NAALADL2: variants seen among roughly 807,000 people sequenced by gnomAD.
NAALADL2 encodes the protein N-acetylated alpha-linked acidic dipeptidase like 2, also known as inactive N-acetylated-alpha-linked acidic dipeptidase-like protein 2.
In NAALADL2, 76 loss-of-function variants were observed where a neutral mutation model predicts 87.2. The ratio of observed to expected loss-of-function variants is 0.87; its 90% CI spans 0.72 to 1.05. The LOEUF is 1.05. Among genes scored for constraint, NAALADL2 ranks in the 50% least tolerant of loss-of-function variants. The probability of loss-of-function intolerance (pLI) is 0.00; values close to 1 mark genes in which losing one functional copy is unlikely to be tolerated. For missense variants in NAALADL2, 1,089 were observed against 945.8 expected (o/e 1.15, Z -1.99); for synonymous variants, 354 against 331.0 (o/e 1.07, Z -0.75).
At chr3:174,791,329 G>A (rs964210458) in intron 3 of NAALADL2, among the ~76,000 whole-genome samples, 2 of 152,086 alleles carry the variant, frequency 1.3e-5, no homozygotes, top group Non-Finnish European at 2.9e-5. Context: ...TAACACCAAA[G>A]GCGATTGTAT....
At chr3:175,347,668 T>G (rs1763294190) in intron 5 of NAALADL2, among the ~76,000 whole-genome samples, 1 of 152,142 alleles carries the variant, frequency 6.6e-6, no homozygotes, top group African/African-American at 2.4e-5. Context: ...CTTTAGAAAG[T>G]GAAATAAGTT....
intron 2 of NAALADL2, among the ~76,000 whole-genome samples, chr3:174,605,856 G>C (rs1337787438): frequency 6.6e-6 from 1 of 152,206 alleles, no homozygotes; most frequent in Non-Finnish European, 1.5e-5. Flanking sequence ...AGAACGGGCA[G>C]ACTGCCTCCT....
chr3:175,419,484 T>C (rs1182898169), intron 5 of NAALADL2, among the ~76,000 whole-genome samples: 2 of 151,984 alleles, frequency 1.3e-5, no homozygotes, highest in East Asian at 1.9e-4. Flanking sequence ...AAATCCTGCA[T>C]TGGAAGATTT....
intron 11 of NAALADL2, among the ~76,000 whole-genome samples, chr3:175,650,057 C>CAA (rs11458935): frequency 0.12 from 14,256 of 120,196 alleles, 1,277 homozygotes; most frequent in African/African-American, 0.23. Context: ...AACCCCACAC[C>CAA]AAAAAAAAAA....
intron 9 of NAALADL2, among the ~76,000 whole-genome samples, chr3:175,558,446 C>T (rs1715719940): frequency 6.6e-6 from 1 of 152,012 alleles, no homozygotes. Flanking sequence ...TCTCATTTGT[C>T]CATTTTTGCT....
chr3:174,655,108 AAATT>A (rs1409684101), intron 2 of NAALADL2, among the ~76,000 whole-genome samples: 1 of 152,210 alleles, frequency 6.6e-6, no homozygotes, highest in African/African-American at 2.4e-5. Flanking sequence ...TTAGAATTAA[AAATT>A]AATTACATTA....
chr3:174,666,329 T>C (rs1361510994), intron 2 of NAALADL2, among the ~76,000 whole-genome samples: 2 of 152,210 alleles, frequency 1.3e-5, no homozygotes, highest in East Asian at 3.9e-4. Context: ...TCTTCAGCTA[T>C]TGCAAACACC....
intron 5 of NAALADL2, among the ~76,000 whole-genome samples, chr3:175,423,351 G>T (rs1157336534): frequency 1.4e-5 from 2 of 146,912 alleles, no homozygotes; most frequent in Non-Finnish European, 1.5e-5. Context: ...GTGCCATGTT[G>T]GTGTGCTGCA....
chr3:175,433,310 G>A (rs75771420), intron 5 of NAALADL2, among the ~76,000 whole-genome samples: 3,114 of 152,074 alleles, frequency 0.02, 140 homozygotes, highest in East Asian at 0.14. Flanking sequence ...TAGCACTGGC[G>A]TAATATAACA....
intron 3 of NAALADL2, among the ~76,000 whole-genome samples, chr3:174,767,959 A>T (rs2109096560): frequency 6.6e-6 from 1 of 152,350 alleles, no homozygotes; most frequent in African/African-American, 2.4e-5. Flanking sequence ...AGAGTAGCTG[A>T]AAATTTAACA....
At chr3:175,674,243 T>C (rs1734409692) in intron 11 of NAALADL2, among the ~76,000 whole-genome samples, 1 of 144,928 alleles carries the variant, frequency 6.9e-6, no homozygotes, top group South Asian at 2.1e-4. Context: ...TTCCAACTGA[T>C]AGTGTTTTTT....
At chr3:175,398,919 C>T (rs1770189301) in intron 5 of NAALADL2, among the ~76,000 whole-genome samples, 1 of 151,670 alleles carries the variant, frequency 6.6e-6, no homozygotes, top group African/African-American at 2.4e-5. Context: ...CAGTGCAAAG[C>T]AAAAACAAGT....
chr3:174,524,716 T>A (rs1720573971), intron 1 of NAALADL2, among the ~76,000 whole-genome samples: 3 of 144,966 alleles, frequency 2.1e-5, no homozygotes, highest in Non-Finnish European at 3.0e-5. Context: ...CCCAACAAAT[T>A]AAAAAAAAAA....
Position 175,808,846 on chromosome 3 carries a change from GGA to G in NAALADL2, c.*5645_*5646del, listed in dbSNP as rs1220547447. 5 of 152,062 alleles carry G rather than the reference GGA, an allele frequency of 3.3e-5. No homozygotes were observed. In the East Asian group the frequency reaches 9.7e-4, roughly 29 times the overall value. 9.4% of individuals were successfully genotyped at this position (152,062 alleles called of 1,614,324 possible). A position where few individuals can be genotyped will look rare whatever the true frequency, so the allele number is the denominator to read the frequency against. ...TGAATAGAAGCTTAGCTAGAGAAGTGGAGTTAGAGTCCCTATTTTAATGAACT... is the reference window on the plus strand; with the variant it reads ...TGAATAGAAGCTTAGCTAGAGAAGTGGTTAGAGTCCCTATTTTAATGAACT... On this transcript the variant is annotated 3_prime_UTR_variant, in exon 14 of 14. Coordinates refer to ENST00000454872, the MANE Select transcript of NAALADL2 (RefSeq NM_207015.3).
At chr3:175,642,952 ATTTTGAAACCAAGAT>A (rs1312755509) in intron 11 of NAALADL2, among the ~76,000 whole-genome samples, 3 of 152,226 alleles carry the variant, frequency 2.0e-5, no homozygotes, top group African/African-American at 7.2e-5. Flanking sequence ...TCAAATATAC[ATTTTGAAACCAAGAT>A]AAGCACAGTA....
At chr3:174,695,862 G>T (rs568689061) in intron 2 of NAALADL2, among the ~76,000 whole-genome samples, 1,804 of 152,056 alleles carry the variant, frequency 0.012, 40 homozygotes, top group African/African-American at 0.041. Context: ...GCCTGCAAAA[G>T]TAACATCCCT....
chr3:175,164,881 T>C (rs559436182), intron 2 of NAALADL2, among the ~76,000 whole-genome samples: 138 of 152,224 alleles, frequency 9.1e-4, no homozygotes, highest in African/African-American at 3.2e-3. Context: ...TACAATCAAA[T>C]GTAACAGAAA....
At chr3:174,639,925 C>T (rs913228264) in intron 2 of NAALADL2, among the ~76,000 whole-genome samples, 7 of 152,084 alleles carry the variant, frequency 4.6e-5, no homozygotes, top group Non-Finnish European at 7.4e-5. Flanking sequence ...CGAAAATTTG[C>T]GTCATTTTTT....
intron 11 of NAALADL2, among the ~76,000 whole-genome samples, chr3:175,688,241 A>C (rs1044007399): frequency 1.3e-5 from 2 of 152,138 alleles, no homozygotes; most frequent in African/African-American, 4.8e-5. Context: ...CTCGTGACCC[A>C]AATAATATTT....
Sources: gnomAD v4.1 joint callset for allele counts (sites outside exome capture counted in the v4.1 genomes callset) on GRCh38, gnomAD v4.1.1 for gene constraint, MANE v1.5 for transcripts, NCBI Gene and HGNC (gene_info 2026-07-23, HGNC 2026-07-21) for gene names.